Variants in BBOX1 observed in about 807,000 individuals in gnomAD.
The protein encoded by BBOX1 is gamma-butyrobetaine dioxygenase.
BBOX1 carries 35 observed loss-of-function variants against 41.6 expected under a neutral mutation model. That is an observed-to-expected ratio of 0.84 (90% confidence interval 0.64 to 1.11). BBOX1 has a LOEUF of 1.11. Among genes scored for constraint, BBOX1 ranks in the 50% most tolerant of loss-of-function variants. BBOX1 has a pLI of 0.00. For missense variants in BBOX1, 458 were observed against 460.6 expected (o/e 0.99, Z 0.05); for synonymous variants, 163 against 154.7 (o/e 1.05, Z -0.40).
chr11:27,061,652 AG>A (rs1300878346), intron 4 of BBOX1, among the ~76,000 whole-genome samples: 1 of 152,174 alleles, frequency 6.6e-6, no homozygotes. Context: ...CCTTGGAGTG[AG>A]GGTTACAGAG....
chr11:27,055,696 T>TG, intron 3 of BBOX1, 47 bp downstream of exon 3: 1 of 1,530,482 alleles, frequency 6.5e-7, no homozygotes, highest in Non-Finnish European at 9.0e-7. Flanking sequence ...AGTTCAATAA[T>TG]GGGGCTAGTC....
At chr11:27,125,070 T>C (rs1590232626) in intron 7 of BBOX1, among the ~76,000 whole-genome samples, 1 of 152,294 alleles carries the variant, frequency 6.6e-6, no homozygotes, top group Admixed American at 6.5e-5. Flanking sequence ...TACAGCACCA[T>C]CTTCTGGAAG....
chr11:27,083,019 T>C (rs1039548651), intron 4 of BBOX1, among the ~76,000 whole-genome samples: 8 of 152,138 alleles, frequency 5.3e-5, no homozygotes, highest in Non-Finnish European at 7.4e-5. Context: ...TGTGTGTCTC[T>C]CCTTTCAAGC....
intron 2 of BBOX1, among the ~76,000 whole-genome samples, chr11:27,045,650 A>G (rs1851467283): frequency 6.6e-6 from 1 of 152,132 alleles, no homozygotes; most frequent in African/African-American, 2.4e-5. Context: ...GGGCTGTTGA[A>G]TTTTATCGAA....
chr11:27,106,013 A>G (rs1359901650), intron 5 of BBOX1, among the ~76,000 whole-genome samples: 1 of 152,170 alleles, frequency 6.6e-6, no homozygotes, highest in African/African-American at 2.4e-5. Context: ...TGAAGGAGAA[A>G]TAAAATAATT....
At chr11:27,120,488 C>T (rs892681080) in intron 7 of BBOX1, among the ~76,000 whole-genome samples, 10 of 152,184 alleles carry the variant, frequency 6.6e-5, no homozygotes, top group South Asian at 4.1e-4. Flanking sequence ...CTGAATCACA[C>T]GGACTGAGAA....
At chr11:27,079,811 G>A (rs1857771662) in intron 4 of BBOX1, among the ~76,000 whole-genome samples, 1 of 152,132 alleles carries the variant, frequency 6.6e-6, no homozygotes, top group Admixed American at 6.6e-5. Context: ...CTCAACTGAT[G>A]ATGGCAACTC....
At chr11:27,065,331 T>C (rs369237289) in intron 4 of BBOX1, among the ~76,000 whole-genome samples, 36 of 152,346 alleles carry the variant, frequency 2.4e-4, no homozygotes, top group African/African-American at 7.9e-4. Context: ...CCTTGCTTCA[T>C]TTTTCCTCTG....
intron 4 of BBOX1, among the ~76,000 whole-genome samples, chr11:27,075,034 A>G (rs1857588375): frequency 6.6e-6 from 1 of 152,228 alleles, no homozygotes; most frequent in African/African-American, 2.4e-5. Flanking sequence ...GGGATGTTAT[A>G]GAACCCTGTT....
intron 4 of BBOX1, among the ~76,000 whole-genome samples, chr11:27,061,480 G>T (rs922747869): frequency 2.0e-5 from 3 of 152,192 alleles, no homozygotes; most frequent in African/African-American, 4.8e-5. Flanking sequence ...TGGAATATTG[G>T]TTCTATGGCT....
chr11:27,065,522 T>C lies in BBOX1; in HGVS notation c.334+8207T>C, dbSNP rs117870870. 1.3e-3 allele frequency among the ~76,000 whole-genome samples: 197 copies of C among 152,290 alleles called. 5 individuals carry two copies. In the East Asian group the frequency reaches 0.037, roughly 28 times the overall value. On this transcript the variant is annotated intron_variant, in intron 4 of 8. Coordinates refer to ENST00000263182, the MANE Select transcript of BBOX1 (RefSeq NM_003986.3). ...AACCTACCAGGGGAGACTCAGAACCTGGGAAGCACACTGCAGTGCCCTGTG... is the reference window on the plus strand; with the variant it reads ...AACCTACCAGGGGAGACTCAGAACCCGGGAAGCACACTGCAGTGCCCTGTG...
chr11:27,049,622 AACCCCT>A (rs1851606793), intron 2 of BBOX1, among the ~76,000 whole-genome samples: 1 of 152,108 alleles, frequency 6.6e-6, no homozygotes, highest in Admixed American at 6.6e-5. Context: ...TTTGGAAATT[AACCCCT>A]TATCAGATGT....
chr11:27,098,256 G>A (rs1858515624), intron 5 of BBOX1, among the ~76,000 whole-genome samples: 1 of 151,822 alleles, frequency 6.6e-6, no homozygotes, highest in Non-Finnish European at 1.5e-5. Context: ...GGCATCCTCT[G>A]CAGCGCTACA....
intron 4 of BBOX1, among the ~76,000 whole-genome samples, chr11:27,070,021 C>A (rs952826194): frequency 6.6e-6 from 1 of 152,036 alleles, no homozygotes; most frequent in Admixed American, 6.6e-5. Context: ...TCATTATTAA[C>A]CCCAAAATCA....
At chr11:27,080,030 CTCTT>C (rs773309236) in intron 4 of BBOX1, among the ~76,000 whole-genome samples, 33 of 152,214 alleles carry the variant, frequency 2.2e-4, no homozygotes, top group Admixed American at 9.2e-4. Flanking sequence ...TCCCATCCTG[CTCTT>C]TCTTTTTAAA....
intron 4 of BBOX1, among the ~76,000 whole-genome samples, chr11:27,084,701 C>G (rs1857972578): frequency 6.6e-6 from 1 of 152,108 alleles, no homozygotes; most frequent in African/African-American, 2.4e-5. Flanking sequence ...ACATTGCAAC[C>G]CAGCATGCTG....
intron 5 of BBOX1, among the ~76,000 whole-genome samples, chr11:27,110,037 T>G (rs568804919): frequency 3.3e-5 from 5 of 152,062 alleles, no homozygotes; most frequent in Non-Finnish European, 7.4e-5. Context: ...CTCCCCCACC[T>G]GGTTTCTGAA....
At chr11:27,107,275 C>A (rs140954089) in intron 5 of BBOX1, among the ~76,000 whole-genome samples, 1 of 151,866 alleles carries the variant, frequency 6.6e-6, no homozygotes. Flanking sequence ...ACAAAAAACC[C>A]GTTCAAAAAA....
chr11:27,068,246 G>C (rs1348941611), intron 4 of BBOX1, among the ~76,000 whole-genome samples: 1 of 151,920 alleles, frequency 6.6e-6, no homozygotes, highest in African/African-American at 2.4e-5. Flanking sequence ...GTTGTTTTTT[G>C]ACTTTTTAAT....
Sources: gnomAD v4.1 joint callset for allele counts (sites outside exome capture counted in the v4.1 genomes callset) on GRCh38, gnomAD v4.1.1 for gene constraint, MANE v1.5 for transcripts, NCBI Gene and HGNC (gene_info 2026-07-23, HGNC 2026-07-21) for gene names.